The following NDUFAF6 variants were observed in gnomAD, a reference collection of about 807,000 sequenced individuals.
The protein encoded by NDUFAF6 is NADH dehydrogenase (ubiquinone) complex I, assembly factor 6.
NDUFAF6 carries 45 observed loss-of-function variants against 40.8 expected under a neutral mutation model. That is an observed-to-expected ratio of 1.10 (90% confidence interval 0.87 to 1.42). The LOEUF (loss-of-function observed/expected upper bound fraction) is 1.42, where lower values mean the gene tolerates loss of function less well. Ranked by LOEUF, NDUFAF6 falls within the 40% of genes most tolerant of loss-of-function variation. The pLI, the probability that NDUFAF6 is intolerant of heterozygous loss-of-function variation, is 0.00. For missense variants in NDUFAF6, 435 were observed against 418.5 expected (o/e 1.04, Z -0.34); for synonymous variants, 185 against 155.9 (o/e 1.19, Z -1.39).
upstream of NDUFAF6, among the ~76,000 whole-genome samples, chr8:95,096,969 A>G (rs1250422695): frequency 6.6e-6 from 1 of 152,228 alleles, no homozygotes; most frequent in Non-Finnish European, 1.5e-5. Context: ...TCCAGGGGCT[A>G]GGCAGGGACC....
At chr8:95,073,360 C>T (rs1378031532) in intron 9 of NDUFAF6, among the ~76,000 whole-genome samples, 1 of 152,246 alleles carries the variant, frequency 6.6e-6, no homozygotes, top group Non-Finnish European at 1.5e-5. Flanking sequence ...CGCCCCGTCG[C>T]ATTCTCAGCA....
chr8:95,117,417 G>A (rs1014611925), downstream of NDUFAF6, among the ~76,000 whole-genome samples: 1 of 152,066 alleles, frequency 6.6e-6, no homozygotes, highest in Non-Finnish European at 1.5e-5. Flanking sequence ...AGCTCTCCAG[G>A]GATATTTAAT....
At chr8:95,058,840 T>C (rs2132008272), downstream of NDUFAF6, 1 of 939,110 alleles carries the variant, frequency 1.1e-6, no homozygotes, top group South Asian at 4.9e-5. Context: ...ATTAAACTTT[T>C]AAATTGTTTG....
At chr8:94,906,170 A>G (rs1818379942) in intron 1 of NDUFAF6, among the ~76,000 whole-genome samples, 1 of 152,164 alleles carries the variant, frequency 6.6e-6, no homozygotes, top group South Asian at 2.1e-4. Context: ...TCAGGCTGCT[A>G]TAGAGTCCTT....
chr8:94,962,327 C>G (rs1226563389), intron 1 of NDUFAF6, among the ~76,000 whole-genome samples: 2 of 152,224 alleles, frequency 1.3e-5, no homozygotes, highest in Admixed American at 6.5e-5. Flanking sequence ...GAGTCTTGCT[C>G]TATAGCCAAG....
downstream of NDUFAF6, among the ~76,000 whole-genome samples, chr8:95,077,318 T>C (rs993901740): frequency 6.6e-6 from 1 of 152,212 alleles, no homozygotes; most frequent in Admixed American, 6.5e-5. Context: ...GTAAGCACAG[T>C]CATTCCCCCT....
intron 1 of NDUFAF6, among the ~76,000 whole-genome samples, chr8:94,964,176 G>C (rs955140858): frequency 2.0e-5 from 3 of 151,956 alleles, no homozygotes; most frequent in African/African-American, 7.2e-5. Context: ...GCCTGTAATC[G>C]CAGCACTTTG....
upstream of NDUFAF6, chr8:95,024,965 G>C (rs543576593): frequency 3.9e-6 from 5 of 1,289,578 alleles, no homozygotes; most frequent in African/African-American, 6.2e-5. Flanking sequence ...GGGCGTAGCT[G>C]CGCGCCGACG....
intron 1 of NDUFAF6, among the ~76,000 whole-genome samples, chr8:94,979,319 G>A (rs1305909687): frequency 6.6e-6 from 1 of 152,168 alleles, no homozygotes; most frequent in East Asian, 1.9e-4. Context: ...CCACCTGGAG[G>A]TGAGGACCTG....
chr8:95,065,373 G>T (rs1042395198), intron 9 of NDUFAF6, among the ~76,000 whole-genome samples: 16 of 152,188 alleles, frequency 1.1e-4, no homozygotes, highest in Non-Finnish European at 2.4e-4. Flanking sequence ...CTGCTGGCTT[G>T]CTGGTGGGGA....
rs145900534 is a variant in NDUFAF6 at position 94,914,081 on chromosome 8, C to T, written c.-936+18154C>T. Among the ~76,000 whole-genome samples, 1,116 of 149,732 alleles carry T rather than the reference C, an allele frequency of 7.5e-3. 11 individuals are homozygous for T. The highest frequency in any genetic ancestry group is 0.026 in the African/African-American group (1,050 of 40,784). On this transcript the variant is annotated intron_variant, in intron 1 of 14. Transcript: ENST00000396113. ...TTGGGATTACAGGCGTGAGCCACCG[C>T]GCCCGGCCTGAGACCTTATCTCTTT...
chr8:94,923,390 C>T (rs967405923), intron 1 of NDUFAF6, among the ~76,000 whole-genome samples: 2 of 152,168 alleles, frequency 1.3e-5, no homozygotes, highest in African/African-American at 4.8e-5. Flanking sequence ...ACTTGAAATA[C>T]TACTAGTATG....
intron 1 of NDUFAF6, among the ~76,000 whole-genome samples, chr8:94,944,952 C>G (rs1424257406): frequency 6.6e-6 from 1 of 152,192 alleles, no homozygotes; most frequent in Non-Finnish European, 1.5e-5. Flanking sequence ...TCACAAAAGG[C>G]AAGGAGCTAT....
At chr8:94,957,783 C>T (rs1475914834), upstream of NDUFAF6, among the ~76,000 whole-genome samples, 1 of 152,154 alleles carries the variant, frequency 6.6e-6, no homozygotes, top group Non-Finnish European at 1.5e-5. Flanking sequence ...CCCCGGGCCA[C>T]CTCTTGGAAT....
intron 1 of NDUFAF6, 143 bp from the exon 2 acceptor site, chr8:95,031,852 T>G: frequency 1.4e-6 from 1 of 733,086 alleles, no homozygotes; most frequent in Non-Finnish European, 2.4e-6. Context: ...CCGCCCGCCT[T>G]GGCCTCCCAA....
At chr8:94,930,848 T>C (rs1395649385) in intron 1 of NDUFAF6, 3 of 1,157,230 alleles carry the variant, frequency 2.6e-6, no homozygotes, top group Non-Finnish European at 3.6e-6. Context: ...TGAGAGCTTG[T>C]GTTTCATGGC....
At chr8:95,085,269 T>C (rs1441755003) in intron 2 of NDUFAF6, among the ~76,000 whole-genome samples, 1 of 152,322 alleles carries the variant, frequency 6.6e-6, no homozygotes, top group East Asian at 1.9e-4. Context: ...AAGTTAGACC[T>C]TGATCTAAGT....
chr8:95,041,554 GCT>G lies in NDUFAF6; in HGVS notation c.421-13_421-12del, dbSNP rs79118993. The G allele has an allele frequency of 0.79, 1,250,467 of 1,580,446 alleles. 498,271 individuals are homozygous for G. The highest frequency in any genetic ancestry group is 0.95 in the East Asian group (42,171 of 44,566). On this transcript the variant is annotated splice_polypyrimidine_tract_variant and intron_variant, in intron 3 of 8. Coordinates refer to ENST00000396124, the MANE Select transcript of NDUFAF6 (RefSeq NM_152416.4). ...CTAGTACTTTCTAAAAACTTATAAT[GCT>G]CTTTGTTTTTTAGGCTGTTAAAAGA...
chr8:95,105,040 AACACACACACAC>A (rs71569111), downstream of NDUFAF6, among the ~76,000 whole-genome samples: 3 of 128,262 alleles, frequency 2.3e-5, no homozygotes, highest in African/African-American at 3.1e-5. Flanking sequence ...TGCTATGAGA[AACACACACACAC>A]ACACACACAC....
Sources: gnomAD v4.1 joint callset for allele counts (sites outside exome capture counted in the v4.1 genomes callset) on GRCh38, gnomAD v4.1.1 for gene constraint, MANE v1.5 for transcripts, NCBI Gene and HGNC (gene_info 2026-07-23, HGNC 2026-07-21) for gene names.